Variants in NDST4 observed in about 807,000 individuals in gnomAD.
NDST4 encodes the protein N-heparan sulfate sulfotransferase 4.
NDST4 carries 63 observed loss-of-function variants against 100.8 expected under a neutral mutation model. That is an observed-to-expected ratio of 0.62 (90% confidence interval 0.51 to 0.77). The LOEUF (loss-of-function observed/expected upper bound fraction) is 0.77, where lower values mean the gene tolerates loss of function less well. NDST4 is among the 30% of genes least tolerant of loss of function. The pLI is 0.00. For synonymous variants in NDST4, 377 were observed against 361.8 expected (o/e 1.04, Z -0.48); for missense variants, 943 against 1,018.4 (o/e 0.93, Z 1.01).
At chr4:114,936,969 C>T (rs1261519702) in intron 5 of NDST4, among the ~76,000 whole-genome samples, 7 of 152,170 alleles carry the variant, frequency 4.6e-5, no homozygotes, top group Non-Finnish European at 2.9e-5. Flanking sequence ...GCCTGTAAAA[C>T]TCTCAGTAAA....
At chr4:114,986,832 A>ATATATATATATATATATATATAT in intron 2 of NDST4, among the ~76,000 whole-genome samples, 2 of 94,664 alleles carry the variant, frequency 2.1e-5, no homozygotes, top group Non-Finnish European at 4.3e-5. Context: ...ATATATATAT[A>ATATATATATATATATATATATAT]TTTTAATATA....
intron 2 of NDST4, among the ~76,000 whole-genome samples, chr4:115,016,154 G>T (rs531738245): frequency 6.6e-6 from 1 of 152,034 alleles, no homozygotes; most frequent in African/African-American, 2.4e-5. Context: ...TGGGATTTTC[G>T]TGGAATTCAT....
intron 2 of NDST4, among the ~76,000 whole-genome samples, chr4:114,985,624 A>C (rs1726883497): frequency 6.6e-6 from 1 of 152,194 alleles, no homozygotes; most frequent in Admixed American, 6.5e-5. Context: ...AAAACTGGTA[A>C]GTTTTCTGGT....
At chr4:114,939,683 T>C (rs1173999473) in intron 4 of NDST4, among the ~76,000 whole-genome samples, 1 of 7,332 alleles carries the variant, frequency 1.4e-4, no homozygotes, top group Admixed American at 1.5e-3. Flanking sequence ...TGTAGAACTT[T>C]CAAAAAAAAA....
At chr4:114,997,779 A>C (rs1035159642) in intron 2 of NDST4, among the ~76,000 whole-genome samples, 17 of 152,088 alleles carry the variant, frequency 1.1e-4, no homozygotes, top group African/African-American at 3.6e-4. Context: ...CTATACACTC[A>C]GAGAGAACTA....
chr4:114,918,204 C>CT (rs1560811735), intron 6 of NDST4, among the ~76,000 whole-genome samples: 1 of 151,812 alleles, frequency 6.6e-6, no homozygotes, highest in Non-Finnish European at 1.5e-5. Flanking sequence ...AAATATGCCC[C>CT]TGGCTGACAA....
At chr4:115,022,081 A>T (rs1727843855) in intron 2 of NDST4, among the ~76,000 whole-genome samples, 1 of 151,782 alleles carries the variant, frequency 6.6e-6, no homozygotes, top group Non-Finnish European at 1.5e-5. Flanking sequence ...ACGTCTATAC[A>T]CGTTCCATAT....
chr4:114,853,621 T>C (rs527821440), intron 7 of NDST4, among the ~76,000 whole-genome samples: 70 of 151,998 alleles, frequency 4.6e-4, no homozygotes, highest in Non-Finnish European at 6.5e-4. Flanking sequence ...TTTTATTATA[T>C]TGGTGACCTA....
At position 114,845,857 on chromosome 4, in the gene NDST4, A is replaced by G. The variant is rs140851859; in HGVS notation, c.2081T>C (p.Ile694Thr). ...VPKAKIITIL[I>T]DPSDRAYSWY... ...AGAGTATGCCCTGTCTGAGGGGTCA[A>G]TGAGGATGGTGATGATCTTGGCTTT... The change falls in exon 10 of 14, where the codon ATT (isoleucine) becomes ACT (threonine). Residue 694 changes from isoleucine to threonine, a missense_variant. Around this residue, in one of 2 missense-constraint regions of NDST4, gnomAD observed 526 missense variants for 634.1 expected, o/e 0.83. Transcript: ENST00000264363. The G allele has an allele frequency of 2.4e-4, 389 of 1,613,922 alleles. No individual in the cohort carries two copies. Among genetic ancestry groups the G allele is most frequent in the Non-Finnish European group, 3.2e-4 (376 of 1,179,990 alleles).
chr4:114,887,317 A>G (rs539506529), intron 6 of NDST4, among the ~76,000 whole-genome samples: 2 of 152,314 alleles, frequency 1.3e-5, no homozygotes, highest in East Asian at 3.9e-4. Flanking sequence ...TTTGTGATAC[A>G]GAAAGAAATC....
At chr4:115,111,055 C>T (rs1192043957) in intron 1 of NDST4, among the ~76,000 whole-genome samples, 2 of 151,924 alleles carry the variant, frequency 1.3e-5, no homozygotes, top group African/African-American at 2.4e-5. Flanking sequence ...ATGCTAAATG[C>T]TTCTCTCTTC....
chr4:115,032,679 C>T (rs7663241), intron 2 of NDST4, among the ~76,000 whole-genome samples: 3,821 of 152,152 alleles, frequency 0.025, 142 homozygotes, highest in African/African-American at 0.081. Flanking sequence ...AGTTGTATTA[C>T]ATATTATCTA....
chr4:114,986,819 TATATATATA>T (rs1726918660), intron 2 of NDST4, among the ~76,000 whole-genome samples: 1 of 125,582 alleles, frequency 8.0e-6, no homozygotes, highest in Non-Finnish European at 1.6e-5. Context: ...TATATATATA[TATATATATA>T]TATATTTTAA....
At chr4:114,974,093 T>C (rs1367296029) in intron 3 of NDST4, among the ~76,000 whole-genome samples, 1 of 152,006 alleles carries the variant, frequency 6.6e-6, no homozygotes, top group Non-Finnish European at 1.5e-5. Flanking sequence ...ACTTGTAACA[T>C]GCTAAGCATT....
rs547766263 is a variant in NDST4 at position 114,890,411 on chromosome 4, A to G, written c.1537-19461T>C. On this transcript the variant is annotated intron_variant, in intron 6 of 13. Coordinates refer to ENST00000264363, the MANE Select transcript of NDST4 (RefSeq NM_022569.3). ...TTATTAAAACTTCATTAAGGCACAA[A>G]GTCTTGCATATAGAATTGCCTTACT... Among the ~76,000 whole-genome samples, 20 of 152,248 alleles carry G rather than the reference A, an allele frequency of 1.3e-4. No individual in the cohort carries two copies. The East Asian group carries it at 3.5e-3, about 26-fold the overall frequency.
intron 6 of NDST4, among the ~76,000 whole-genome samples, chr4:114,901,690 ATTTTC>A (rs1185724053): frequency 6.7e-6 from 1 of 148,904 alleles, no homozygotes; most frequent in Non-Finnish European, 1.5e-5. Context: ...TGTGTTACCT[ATTTTC>A]TTTGTTTCTA....
intron 6 of NDST4, among the ~76,000 whole-genome samples, chr4:114,916,139 AG>A (rs1445303183): frequency 1.3e-5 from 2 of 152,152 alleles, no homozygotes; most frequent in African/African-American, 4.8e-5. Flanking sequence ...AGTTCTAGCA[AG>A]GGGCTGAAGC....
intron 6 of NDST4, among the ~76,000 whole-genome samples, chr4:114,908,429 C>A (rs990075309): frequency 6.6e-6 from 1 of 152,008 alleles, no homozygotes; most frequent in Admixed American, 6.5e-5. Context: ...TCATATCAGT[C>A]GAATTTAATT....
At chr4:114,886,633 A>ACAG (rs2126204008) in intron 6 of NDST4, among the ~76,000 whole-genome samples, 1 of 152,238 alleles carries the variant, frequency 6.6e-6, no homozygotes, top group African/African-American at 2.4e-5. Flanking sequence ...AGTTCTGTTT[A>ACAG]CAGTTTGTGG....
Sources: gnomAD v4.1 joint callset for allele counts (sites outside exome capture counted in the v4.1 genomes callset) on GRCh38, gnomAD v4.1.1 for gene constraint, gnomAD v4.1.1 regional missense constraint, MANE v1.5 for transcripts, NCBI Gene and HGNC (gene_info 2026-07-23, HGNC 2026-07-21) for gene names.